DPYSL3: variants seen among roughly 807,000 people sequenced by gnomAD.
DPYSL3 encodes the protein dihydropyrimidinase-related protein 3.
In DPYSL3, 16 loss-of-function variants were observed where a neutral mutation model predicts 66.1. That is an observed-to-expected ratio of 0.24 (90% CI 0.16 to 0.37). The LOEUF (loss-of-function observed/expected upper bound fraction) is 0.37, where lower values mean the gene tolerates loss of function less well. DPYSL3 is among the 10% of genes least tolerant of loss of function. DPYSL3 has a pLI of 1.00. For missense variants in DPYSL3, 738 were observed against 916.2 expected (o/e 0.81, Z 2.51); for synonymous variants, 338 against 345.1 (o/e 0.98, Z 0.23).
At chr5:147,422,700 T>G (rs1411269963) in intron 2 of DPYSL3, among the ~76,000 whole-genome samples, 2 of 152,142 alleles carry the variant, frequency 1.3e-5, no homozygotes, top group Non-Finnish European at 2.9e-5. Context: ...TCATGTCCTT[T>G]GCAGGGACAT....
intron 8 of DPYSL3, among the ~76,000 whole-genome samples, chr5:147,403,931 G>A (rs1425244978): frequency 6.6e-6 from 1 of 152,102 alleles, no homozygotes; most frequent in Non-Finnish European, 1.5e-5. Flanking sequence ...TGTCCATGAA[G>A]TTTAAAATAA....
intron 1 of DPYSL3, among the ~76,000 whole-genome samples, chr5:147,462,744 C>T (rs1752951853): frequency 6.6e-6 from 1 of 152,094 alleles, no homozygotes; most frequent in African/African-American, 2.4e-5. Flanking sequence ...GCAGTGTAAA[C>T]AGCCCAACCA....
intron 1 of DPYSL3, among the ~76,000 whole-genome samples, chr5:147,499,881 G>A (rs1400333273): frequency 6.6e-6 from 1 of 152,122 alleles, no homozygotes; most frequent in Non-Finnish European, 1.5e-5. Context: ...CACATAAGTA[G>A]ACCTACATAA....
intron 1 of DPYSL3, among the ~76,000 whole-genome samples, chr5:147,466,528 G>A (rs891443263): frequency 6.6e-6 from 1 of 152,078 alleles, no homozygotes; most frequent in South Asian, 2.1e-4. Context: ...GAGAACATGC[G>A]CCGGAGCTGC....
Position 147,443,356 on chromosome 5 carries a change from C to T in DPYSL3, c.382-18393G>A, listed in dbSNP as rs1210733238. 2.0e-5 allele frequency among the ~76,000 whole-genome samples: 3 copies of T among 152,256 alleles called. No individual in the cohort carries two copies. In the East Asian group the frequency reaches 5.8e-4, roughly 29 times the overall value. On this transcript the variant is annotated intron_variant, in intron 1 of 13. Coordinates refer to ENST00000343218, the MANE Select transcript of DPYSL3 (RefSeq NM_001197294.2). Reference sequence around the variant, plus strand: ...GGACATGGATGAAGCTAGAAGCCATCGTTCTCAGCAAGCTAACACAGGAAC... The same window carrying T: ...GGACATGGATGAAGCTAGAAGCCATTGTTCTCAGCAAGCTAACACAGGAAC...
rs557229342 is a variant in DPYSL3 at position 147,392,396 on chromosome 5, T to C, written c.*1639A>G. 2.8e-4 allele frequency: 43 copies of C among 152,332 alleles called. No individual in the cohort carries two copies. Among genetic ancestry groups the C allele is most frequent in the African/African-American group, 1.0e-3 (42 of 41,574 alleles). The allele number at this position is 152,332 out of a possible 1,614,324, so 9.4% of individuals were successfully genotyped here. On this transcript the variant is annotated 3_prime_UTR_variant, in exon 14 of 14. Transcript: ENST00000343218. ...TACTTTTCTCTGGTCTTCAACTTATTCAAACCTGCAGTCAGAGACAATGGT... is the reference window on the plus strand; with the variant it reads ...TACTTTTCTCTGGTCTTCAACTTATCCAAACCTGCAGTCAGAGACAATGGT...
At chr5:147,458,368 T>G (rs1752883262) in intron 1 of DPYSL3, among the ~76,000 whole-genome samples, 4 of 152,120 alleles carry the variant, frequency 2.6e-5, no homozygotes. Context: ...CATGGCAACG[T>G]CGGAAGTTAC....
chr5:147,411,767 G>A (rs1424749398), intron 6 of DPYSL3, among the ~76,000 whole-genome samples: 1 of 152,146 alleles, frequency 6.6e-6, no homozygotes, highest in African/African-American at 2.4e-5. Flanking sequence ...TAAAATAAAA[G>A]CACAGCCCAA....
chr5:147,433,987 A>T (rs1462267737), intron 1 of DPYSL3, among the ~76,000 whole-genome samples: 2 of 149,494 alleles, frequency 1.3e-5, no homozygotes, highest in Non-Finnish European at 3.0e-5. Context: ...CTGAGATTGC[A>T]CCACTGCACT....
chr5:147,397,143 T>C (rs4705168), intron 12 of DPYSL3, among the ~76,000 whole-genome samples: 67,009 of 148,838 alleles, frequency 0.45, 15,839 homozygotes, highest in African/African-American at 0.56. Context: ...TACGCATGCA[T>C]ACATTTGCAC....
intron 2 of DPYSL3, among the ~76,000 whole-genome samples, chr5:147,424,381 G>A (rs570317975): frequency 3.3e-5 from 5 of 152,242 alleles, no homozygotes; most frequent in South Asian, 2.1e-4. Flanking sequence ...CCACTTACAG[G>A]CATCCAATAG....
At chr5:147,395,995 G>T (rs1197879615) in intron 12 of DPYSL3, among the ~76,000 whole-genome samples, 1 of 152,140 alleles carries the variant, frequency 6.6e-6, no homozygotes, top group Non-Finnish European at 1.5e-5. Flanking sequence ...GGTTGCCAGA[G>T]GGAGGAGGTT....
chr5:147,473,386 GA>G (rs1753111473), intron 1 of DPYSL3: 1 of 152,032 alleles, frequency 6.6e-6, no homozygotes, highest in Non-Finnish European at 1.5e-5. Flanking sequence ...CACTACAAAA[GA>G]AAAAACTTTG....
chr5:147,422,647 T>A (rs1181100537), intron 2 of DPYSL3, among the ~76,000 whole-genome samples: 3 of 152,058 alleles, frequency 2.0e-5, no homozygotes, highest in Non-Finnish European at 2.9e-5. Flanking sequence ...GTGGCACATA[T>A]ACATCATGAA....
At chr5:147,436,973 G>A (rs559196739) in intron 1 of DPYSL3, among the ~76,000 whole-genome samples, 1 of 152,342 alleles carries the variant, frequency 6.6e-6, no homozygotes, top group Admixed American at 6.5e-5. Flanking sequence ...TGGGATTTAA[G>A]AGAAAGGTCA....
At chr5:147,502,670 G>A (rs1204553256) in intron 1 of DPYSL3, among the ~76,000 whole-genome samples, 2 of 146,422 alleles carry the variant, frequency 1.4e-5, no homozygotes, top group Non-Finnish European at 3.0e-5. Flanking sequence ...TCCGCCTCCC[G>A]GGTTCCCGCC....
At position 147,464,283 on chromosome 5, in the gene DPYSL3, A is replaced by G. The variant is rs527481915; in HGVS notation, c.382-39320T>C. Among the ~76,000 whole-genome samples the G allele has an allele frequency of 5.9e-5, 9 of 152,284 alleles. No individual in the cohort carries two copies. In the South Asian group the frequency reaches 1.9e-3, roughly 32 times the overall value. ...ATACATGAATGCAAGAACCAAGGGG[A>G]AGAAGCAGGAGTGATCCCTTTTACC... is the stretch of plus-strand genomic sequence containing the variant. On this transcript the variant is annotated intron_variant, in intron 1 of 13. Coordinates refer to ENST00000343218, the MANE Select transcript of DPYSL3 (RefSeq NM_001197294.2).
At chr5:147,413,524 A>T in intron 5 of DPYSL3, 72 bp downstream of exon 5, 1 of 1,245,376 alleles carries the variant, frequency 8.0e-7, no homozygotes, top group Non-Finnish European at 1.2e-6. Context: ...TCATGTTACA[A>T]GGGCCAAGGT....
chr5:147,397,989 T>C (rs1302783915), intron 11 of DPYSL3, 144 bp from the exon 12 acceptor site: 15 of 778,068 alleles, frequency 1.9e-5, no homozygotes, highest in Non-Finnish European at 2.7e-5. Flanking sequence ...AAGCATCCAG[T>C]GGGTAGAAGG....
Sources: allele counts gnomAD v4.1 joint callset (sites outside exome capture counted in the v4.1 genomes callset), GRCh38; gene constraint gnomAD v4.1.1; transcripts MANE v1.5; gene names NCBI Gene and HGNC (gene_info 2026-07-23, HGNC 2026-07-21).